The following OCA2 variants were observed in gnomAD, a reference collection of about 807,000 sequenced individuals.
OCA2 encodes OCA2 melanosomal transmembrane protein, also known as P protein.
A neutral mutation model predicts 100.2 loss-of-function variants in OCA2; 77 were observed. The observed-to-expected ratio is 0.77, with a 90% confidence interval of 0.64 to 0.93. OCA2 has a LOEUF of 0.93. Among genes scored for constraint, OCA2 ranks in the 40% least tolerant of loss-of-function variants. The pLI, the probability that OCA2 is intolerant of heterozygous loss-of-function variation, is 0.00. For synonymous variants in OCA2, 432 were observed against 439.2 expected, an observed-to-expected ratio of 0.98 and a Z score of 0.21; for missense variants, 1,062 against 1,089.1, an observed-to-expected ratio of 0.98 and a Z score of 0.35.
intron 18 of OCA2, among the ~76,000 whole-genome samples, chr15:27,932,804 G>A (rs964320920): frequency 6.6e-6 from 1 of 152,142 alleles, no homozygotes; most frequent in African/African-American, 2.4e-5. Context: ...AAGGAATACA[G>A]TCTTTTCAAA....
At chr15:28,024,212 C>T (rs1391702351) in intron 5 of OCA2, among the ~76,000 whole-genome samples, 1 of 152,206 alleles carries the variant, frequency 6.6e-6, no homozygotes, top group Admixed American at 6.5e-5. Context: ...TGAAGAACAG[C>T]ACCGCCCACT....
intron 6 of OCA2, among the ~76,000 whole-genome samples, chr15:28,021,540 T>G (rs988515882): frequency 2.0e-5 from 3 of 152,196 alleles, no homozygotes; most frequent in Non-Finnish European, 4.4e-5. Context: ...GTGGGCTCGC[T>G]TGAGCGTGGG....
intron 2 of OCA2, among the ~76,000 whole-genome samples, chr15:28,039,870 T>C (rs1369155025): frequency 6.6e-6 from 1 of 151,778 alleles, no homozygotes; most frequent in African/African-American, 2.4e-5. Flanking sequence ...CTGTCTCTGC[T>C]AAAAATAAAA....
the OCA2 span, among the ~76,000 whole-genome samples, chr15:27,729,187 A>G: frequency 6.6e-6 from 1 of 151,992 alleles, no homozygotes; most frequent in Non-Finnish European, 1.5e-5. Context: ...TCTACCAACA[A>G]TCTGTTCACG....
intron 2 of OCA2, among the ~76,000 whole-genome samples, chr15:28,037,873 T>C (rs1485492230): frequency 6.6e-6 from 1 of 152,144 alleles, no homozygotes; most frequent in Non-Finnish European, 1.5e-5. Context: ...CCAGGCATGG[T>C]ACCCTCTGTA....
intron 23 of OCA2, among the ~76,000 whole-genome samples, chr15:27,826,766 G>A (rs143057687): frequency 1.3e-5 from 2 of 152,230 alleles, no homozygotes; most frequent in Non-Finnish European, 2.9e-5. Flanking sequence ...CTAAGGCATC[G>A]AGACTCCCCA....
intron 23 of OCA2, among the ~76,000 whole-genome samples, chr15:27,784,411 G>T (rs1453455186): frequency 6.6e-6 from 1 of 152,054 alleles, no homozygotes; most frequent in Non-Finnish European, 1.5e-5. Context: ...TCATTTCCAG[G>T]CACAAATGAA....
At chr15:27,783,787 A>C (rs2032665001) in intron 23 of OCA2, among the ~76,000 whole-genome samples, 1 of 152,250 alleles carries the variant, frequency 6.6e-6, no homozygotes, top group Non-Finnish European at 1.5e-5. Context: ...TTTCTGAGAA[A>C]ACATCCTTGT....
intron 9 of OCA2, among the ~76,000 whole-genome samples, chr15:27,997,033 G>GAA (rs1205726614): frequency 5.5e-5 from 4 of 72,514 alleles, no homozygotes; most frequent in Non-Finnish European, 1.5e-4. Context: ...AAGAAAGAGA[G>GAA]AGAGAGAGAA....
chr15:27,949,773 T>C (rs1470794432), intron 18 of OCA2, among the ~76,000 whole-genome samples: 2 of 152,252 alleles, frequency 1.3e-5, no homozygotes, highest in Non-Finnish European at 2.9e-5. Context: ...GAAGATCTTG[T>C]ATCCATTTTG....
At chr15:27,970,186 G>A (rs1028512390) in intron 14 of OCA2, among the ~76,000 whole-genome samples, 1 of 151,988 alleles carries the variant, frequency 6.6e-6, no homozygotes, top group East Asian at 1.9e-4. Context: ...AGCAAGCCAC[G>A]GAGGGGATGA....
At chr15:27,805,077 T>G (rs1368386098) in intron 23 of OCA2, among the ~76,000 whole-genome samples, 2 of 152,148 alleles carry the variant, frequency 1.3e-5, no homozygotes, top group Non-Finnish European at 2.9e-5. Flanking sequence ...GGCCCTGCCC[T>G]GGAGCGAGTG....
chr15:28,003,964 G>GA (rs2042010408), intron 9 of OCA2, among the ~76,000 whole-genome samples: 1 of 152,228 alleles, frequency 6.6e-6, no homozygotes, highest in African/African-American at 2.4e-5. Flanking sequence ...TCCCTTCCCG[G>GA]CTCTGCTGGT....
chr15:27,789,430 G>T (rs1006386737), intron 23 of OCA2, among the ~76,000 whole-genome samples: 5 of 152,118 alleles, frequency 3.3e-5, no homozygotes, highest in African/African-American at 1.2e-4. Flanking sequence ...CATTTTAAAT[G>T]TCATACTACT....
intron 1 of OCA2, among the ~76,000 whole-genome samples, chr15:28,087,467 G>A (rs1408164382): frequency 6.6e-6 from 1 of 152,210 alleles, no homozygotes; most frequent in African/African-American, 2.4e-5. Context: ...TAGGTAAGGA[G>A]AGGCATGGTG....
At chr15:27,817,918 T>A (rs1022861635) in intron 23 of OCA2, among the ~76,000 whole-genome samples, 1 of 152,196 alleles carries the variant, frequency 6.6e-6, no homozygotes, top group Admixed American at 6.5e-5. Flanking sequence ...TTTCTAGTAA[T>A]CTAACTTCTA....
At chr15:27,835,074 C>T (rs927124563) in intron 23 of OCA2, among the ~76,000 whole-genome samples, 2 of 152,200 alleles carry the variant, frequency 1.3e-5, no homozygotes, top group African/African-American at 4.8e-5. Flanking sequence ...GCTGCAGCGA[C>T]TGCAGTTAAC....
chr15:27,767,946 T>C (rs1196907647), intron 23 of OCA2, among the ~76,000 whole-genome samples: 1 of 152,238 alleles, frequency 6.6e-6, no homozygotes, highest in African/African-American at 2.4e-5. Flanking sequence ...GGCACACCTC[T>C]GTTTGGACTT....
chr15:27,896,426 T>A, intron 19 of OCA2: 1 of 707,164 alleles, frequency 1.4e-6, no homozygotes, highest in Non-Finnish European at 2.6e-6. Flanking sequence ...AAGCTCATGC[T>A]GCTATATGAG....
Sources: gnomAD v4.1 joint callset for allele counts (sites outside exome capture counted in the v4.1 genomes callset) on GRCh38, gnomAD v4.1.1 for gene constraint, MANE v1.5 for transcripts, NCBI Gene and HGNC (gene_info 2026-07-23, HGNC 2026-07-21) for gene names.